HPSE2: variants seen among roughly 807,000 people sequenced by gnomAD.
HPSE2 encodes the protein inactive heparanase-2.
A neutral mutation model predicts 60.5 loss-of-function variants in HPSE2; 38 were observed. The observed-to-expected ratio is 0.63, with a 90% CI of 0.48 to 0.82. HPSE2 has a LOEUF of 0.82. HPSE2 is among the 40% of genes least tolerant of loss of function. The pLI, the probability that HPSE2 is intolerant of heterozygous loss-of-function variation, is 0.00. For synonymous variants in HPSE2, 295 were observed against 293.2 expected, an observed-to-expected ratio of 1.01 and a Z score of -0.06; for missense variants, 713 against 740.4, an observed-to-expected ratio of 0.96 and a Z score of 0.43.
intron 6 of HPSE2, among the ~76,000 whole-genome samples, chr10:98,669,817 C>A (rs1300004902): frequency 2.0e-5 from 3 of 152,140 alleles, no homozygotes; most frequent in African/African-American, 7.2e-5. Context: ...ATTTGTACCC[C>A]AAACTTCACC....
chr10:98,588,340 C>A (rs1944994239), intron 9 of HPSE2, among the ~76,000 whole-genome samples: 1 of 151,978 alleles, frequency 6.6e-6, no homozygotes, highest in African/African-American at 2.4e-5. Flanking sequence ...AATTTTCAGG[C>A]CAGGGAGAAG....
chr10:98,703,759 T>G (rs980821422), intron 5 of HPSE2, among the ~76,000 whole-genome samples: 2 of 152,146 alleles, frequency 1.3e-5, no homozygotes, highest in African/African-American at 4.8e-5. Flanking sequence ...TAGGTATTCA[T>G]GGAACATATC....
At chr10:98,905,909 T>C (rs1953802275) in intron 3 of HPSE2, among the ~76,000 whole-genome samples, 1 of 152,204 alleles carries the variant, frequency 6.6e-6, no homozygotes, top group South Asian at 2.1e-4. Flanking sequence ...GTAGTGGATG[T>C]ATGTTGCACC....
At chr10:99,055,090 T>G (rs1383727335) in intron 3 of HPSE2, among the ~76,000 whole-genome samples, 4 of 152,154 alleles carry the variant, frequency 2.6e-5, no homozygotes, top group African/African-American at 9.7e-5. Context: ...ATACCAGCTA[T>G]ATATGGAAAA....
chr10:99,008,742 C>G (rs1248951970), intron 3 of HPSE2, among the ~76,000 whole-genome samples: 1 of 152,084 alleles, frequency 6.6e-6, no homozygotes, highest in Non-Finnish European at 1.5e-5. Context: ...TACAGAAACC[C>G]TCAAGTCCAT....
chr10:99,000,693 T>C (rs1444143974), intron 3 of HPSE2, among the ~76,000 whole-genome samples: 5 of 152,022 alleles, frequency 3.3e-5, no homozygotes, highest in African/African-American at 4.8e-5. Flanking sequence ...AGAATGTGAA[T>C]TGAAAATGGA....
At chr10:99,271,819 T>C in the HPSE2 span, among the ~76,000 whole-genome samples, 3 of 152,150 alleles carry the variant, frequency 2.0e-5, no homozygotes, top group African/African-American at 4.8e-5. Context: ...TGGAACAGAA[T>C]AGAGAACCCA....
intron 7 of HPSE2, among the ~76,000 whole-genome samples, chr10:98,631,305 G>C (rs1021914963): frequency 6.6e-6 from 1 of 152,148 alleles, no homozygotes; most frequent in African/African-American, 2.4e-5. Flanking sequence ...AAAAGATAAA[G>C]TCACTGGGGA....
intron 6 of HPSE2, among the ~76,000 whole-genome samples, chr10:98,686,426 G>A (rs894613581): frequency 3.3e-5 from 5 of 151,932 alleles, no homozygotes; most frequent in African/African-American, 9.7e-5. Context: ...TTTAGAGATG[G>A]GATCTTGCTC....
rs143704718 is a variant in HPSE2, at chr10:98,960,030, C to T, written c.610+184208G>A. On this transcript the variant is annotated intron_variant, in intron 3 of 11. Transcript: ENST00000370552. ...TTCTTCCATAAACTTTGCCTCTTTC[C>T]TTCCTGCTGAGATTATATCCATCAA... Among the ~76,000 whole-genome samples the T allele has an allele frequency of 2.7e-4, 41 of 152,230 alleles. 1 individual carries two copies. Among genetic ancestry groups the T allele is most frequent in the African/African-American group, 9.6e-4 (40 of 41,550 alleles).
intron 2 of HPSE2, among the ~76,000 whole-genome samples, chr10:99,158,713 A>T (rs1366128170): frequency 3.3e-5 from 5 of 150,968 alleles, no homozygotes; most frequent in African/African-American, 4.9e-5. Flanking sequence ...AACCTGCACA[A>T]TGTGCACATG....
At chr10:98,910,946 T>C (rs1295043924) in intron 3 of HPSE2, among the ~76,000 whole-genome samples, 1 of 152,288 alleles carries the variant, frequency 6.6e-6, no homozygotes, top group South Asian at 2.1e-4. Flanking sequence ...TCTGAGGAAA[T>C]TTCTATCTCC....
chr10:98,721,950 G>A (rs1310909745), intron 4 of HPSE2, 122 bp from the exon 5 acceptor site: 5 of 861,410 alleles, frequency 5.8e-6, no homozygotes, highest in African/African-American at 1.7e-5. Flanking sequence ...ATAAAAAAGT[G>A]GGTGTGAATT....
At chr10:98,854,685 C>T (rs1282302784) in intron 3 of HPSE2, among the ~76,000 whole-genome samples, 1 of 152,094 alleles carries the variant, frequency 6.6e-6, no homozygotes, top group Admixed American at 6.5e-5. Flanking sequence ...GGACATATAA[C>T]ATGTAAGTAA....
At chr10:98,878,149 G>A (rs1226344582) in intron 3 of HPSE2, among the ~76,000 whole-genome samples, 1 of 151,966 alleles carries the variant, frequency 6.6e-6, no homozygotes, top group East Asian at 1.9e-4. Context: ...TTTGACAACA[G>A]CCAGCACAGT....
chr10:99,250,972 G>A, the HPSE2 span, among the ~76,000 whole-genome samples: 3 of 152,024 alleles, frequency 2.0e-5, no homozygotes, highest in Non-Finnish European at 4.4e-5. Context: ...GAACTCCAAA[G>A]CTAGCAGAAG....
chr10:98,478,115 T>C (rs1336589489), intron 11 of HPSE2, among the ~76,000 whole-genome samples: 1 of 152,034 alleles, frequency 6.6e-6, no homozygotes, highest in Admixed American at 6.6e-5. Flanking sequence ...CACAAGGCAA[T>C]GGGTAGATTC....
chr10:98,797,550 G>C (rs11189821), intron 3 of HPSE2, among the ~76,000 whole-genome samples: 7,867 of 152,112 alleles, frequency 0.052, 444 homozygotes, highest in East Asian at 0.17. Context: ...TGCAGATAAA[G>C]AGATGAGGGT....
chr10:98,566,676 G>C (rs1375845797), intron 9 of HPSE2, among the ~76,000 whole-genome samples: 4 of 152,186 alleles, frequency 2.6e-5, no homozygotes, highest in Admixed American at 6.5e-5. Flanking sequence ...CCCAGGGAAG[G>C]TGTGAGACAG....
Sources: allele counts gnomAD v4.1 joint callset (sites outside exome capture counted in the v4.1 genomes callset), GRCh38; gene constraint gnomAD v4.1.1; transcripts MANE v1.5; gene names NCBI Gene and HGNC (gene_info 2026-07-23, HGNC 2026-07-21).